IL15RA: variants seen among roughly 807,000 people sequenced by gnomAD.
The protein encoded by IL15RA is interleukin 15 receptor subunit alpha.
IL15RA carries 26 observed loss-of-function variants against 24.2 expected under a neutral mutation model. The observed-to-expected ratio is 1.07, with a 90% confidence interval of 0.79 to 1.49. The LOEUF (loss-of-function observed/expected upper bound fraction) is 1.49. IL15RA is among the 40% of genes most tolerant of loss of function. The pLI, the probability that IL15RA is intolerant of heterozygous loss-of-function variation, is 0.00. For synonymous variants in IL15RA, 166 were observed against 157.6 expected, an observed-to-expected ratio of 1.05 and a Z score of -0.40; for missense variants, 354 against 356.4, an observed-to-expected ratio of 0.99 and a Z score of 0.05.
intron 1 of IL15RA, among the ~76,000 whole-genome samples, chr10:5,969,658 C>T (rs1837269756): frequency 6.6e-6 from 1 of 152,230 alleles, no homozygotes. Flanking sequence ...GCCACCCCGC[C>T]TGGCCTACTG....
chr10:5,973,971 T>C lies in IL15RA; in HGVS notation c.88+3434A>G, dbSNP rs1231959149. 6.6e-6 allele frequency among the ~76,000 whole-genome samples: 1 copy of C among 151,344 alleles called. No individual in the cohort carries two copies. Among genetic ancestry groups the C allele is most frequent in the African/African-American group, 2.4e-5 (1 of 41,150 alleles). On this transcript the variant is annotated intron_variant, in intron 1 of 6. Transcript: ENST00000379977. This position sits in a 1 kb window ranked among gnomAD's most constrained non-coding sequence, Gnocchi z 4.5. The stretch of plus-strand genomic sequence containing the variant: ...ATAAAGAACTCTCAAAATTCAGTAA[T>C]GATACAATTCAATTTTTTATACATA...
In IL15RA at chr10:5,959,170, CTTTTTT is replaced by C. The variant is rs566891770; in HGVS notation, c.616+578_616+583del. ...GTTAACTTTTTTTCTTTTTCTTTTTCTTTTTTTTTTTTTTTAATAGAGATGGGGTCT... is the reference window on the plus strand; with the variant it reads ...GTTAACTTTTTTTCTTTTTCTTTTTCTTTTTTTTTAATAGAGATGGGGTCT... On this transcript the variant is annotated intron_variant, in intron 5 of 6. Coordinates refer to ENST00000379977, the MANE Select transcript of IL15RA (RefSeq NM_002189.4). The surrounding 1 kb of genome is among the most constrained non-coding windows in gnomAD (Gnocchi z 4.1). Among the ~76,000 whole-genome samples the C allele has an allele frequency of 7.2e-6, 1 of 138,222 alleles. No individual in the cohort carries two copies. The highest frequency in any genetic ancestry group is 2.7e-5 in the African/African-American group (1 of 37,592). 90.7% of individuals were successfully genotyped at this position (138,222 alleles called of 152,430 possible). A position where few individuals can be genotyped will look rare whatever the true frequency, so the allele number is the denominator to read the frequency against.
At chr10:5,977,377 C>T (rs1041954317) in intron 1 of IL15RA, 28 bp downstream of exon 1, 3 of 1,151,642 alleles carry the variant, frequency 2.6e-6, no homozygotes, top group Non-Finnish European at 2.2e-6. Context: ...CAAGTCCCGC[C>T]CGGGCGCCCC....
upstream of IL15RA, chr10:5,978,285 C>G (rs902781878): frequency 6.6e-6 from 1 of 152,636 alleles, no homozygotes; most frequent in African/African-American, 2.4e-5. The surrounding 1 kb of genome is among the most constrained non-coding windows in gnomAD (Gnocchi z 5.2). Flanking sequence ...GCCTCGCTTC[C>G]TTAGGTTCTT....
rs1353262028 is a variant in IL15RA, at chr10:5,962,591, CAAA to C, written c.382+1149_382+1151del. Among the ~76,000 whole-genome samples, 16 of 108,940 alleles carry C rather than the reference CAAA, an allele frequency of 1.5e-4. No individual in the cohort carries two copies. Among genetic ancestry groups the C allele is most frequent in the East Asian group, 2.8e-4 (1 of 3,570 alleles). 71.5% of individuals were successfully genotyped at this position (108,940 alleles called of 152,430 possible). On this transcript the variant is annotated intron_variant, in intron 3 of 6. Coordinates refer to ENST00000379977, the MANE Select transcript of IL15RA (RefSeq NM_002189.4). The surrounding 1 kb of genome is among the most constrained non-coding windows in gnomAD (Gnocchi z 5.2). ...TGGGCAATAGAGCAAGACCCCATCTCAAAAAAAAAAAAAAAAAAGATCCACCTG... is the reference window on the plus strand; with the variant it reads ...TGGGCAATAGAGCAAGACCCCATCTCAAAAAAAAAAAAAAAGATCCACCTG...
rs1297126830 is a variant in IL15RA, at chr10:5,961,457, T to G, written c.383-890A>C. On this transcript the variant is annotated intron_variant, in intron 3 of 6. Transcript: ENST00000379977. This position sits in a 1 kb window ranked among gnomAD's most constrained non-coding sequence, Gnocchi z 5.2. ...GAAAAGGTGTCAAAGATCTGAGTCGTTCAGCTTGTTTACTAGAGAAGGCAG... is the reference window on the plus strand; with the variant it reads ...GAAAAGGTGTCAAAGATCTGAGTCGGTCAGCTTGTTTACTAGAGAAGGCAG... 2.0e-5 allele frequency among the ~76,000 whole-genome samples: 3 copies of G among 152,038 alleles called. No homozygotes were observed. Among genetic ancestry groups the G allele is most frequent in the Non-Finnish European group, 4.4e-5 (3 of 68,006 alleles).
Position 5,958,606 on chromosome 10 carries a change from G to T in IL15RA, c.616+1148C>A, listed in dbSNP as rs983896655. 5.9e-5 allele frequency among the ~76,000 whole-genome samples: 9 copies of T among 151,964 alleles called. No individual in the cohort carries two copies. Among genetic ancestry groups the T allele is most frequent in the Admixed American group, 4.6e-4 (7 of 15,262 alleles). On this transcript the variant is annotated intron_variant, in intron 5 of 6. Transcript: ENST00000379977. The surrounding 1 kb of genome is among the most constrained non-coding windows in gnomAD (Gnocchi z 4.3). ...TTTGTCATGTTGTCCAGGCTGGTCT[G>T]GGACTCCTGGCCTCCAGTGATCAGC...
At chr10:5,978,491 C>T (rs1243105358), upstream of IL15RA, among the ~76,000 whole-genome samples, 3 of 152,212 alleles carry the variant, frequency 2.0e-5, no homozygotes, top group Admixed American at 2.0e-4. The surrounding 1 kb of genome is among the most constrained non-coding windows in gnomAD (Gnocchi z 5.2). Context: ...GCTTTTGTGA[C>T]ATACTTGCAA....
At chr10:5,972,272 C>A (rs1045984326) in intron 1 of IL15RA, among the ~76,000 whole-genome samples, 1 of 152,208 alleles carries the variant, frequency 6.6e-6, no homozygotes, top group Non-Finnish European at 1.5e-5. Flanking sequence ...CAAATCACAT[C>A]AACTATGTCC....
chr10:5,968,688 G>A lies in IL15RA; in HGVS notation c.89-2349C>T. ...ATGTTCTGCTCCACACTGATCTTCT[G>A]TCCTTCTCTACCTGCCTAAACCACA... On this transcript the variant is annotated intron_variant, in intron 1 of 6. Transcript: ENST00000379977. This position sits in a 1 kb window ranked among gnomAD's most constrained non-coding sequence, Gnocchi z 5.4. 1 of 687,766 alleles carries A rather than the reference G, an allele frequency of 1.5e-6. No homozygotes were observed. Among genetic ancestry groups the A allele is most frequent in the Middle Eastern group, 2.5e-4 (1 of 3,946 alleles). The allele number at this position is 687,766 out of a possible 1,614,324, so 42.6% of individuals were successfully genotyped here. A position where few individuals can be genotyped will look rare whatever the true frequency, so the allele number is the denominator to read the frequency against.
rs933123369 is a variant in IL15RA, at chr10:5,970,297, C to G, written c.89-3958G>C. 6.6e-6 allele frequency among the ~76,000 whole-genome samples: 1 copy of G among 152,216 alleles called. No individual in the cohort carries two copies. Among genetic ancestry groups the G allele is most frequent in the Non-Finnish European group, 1.5e-5 (1 of 68,042 alleles). ...AAACAGCAGACTTCCAGTCTCTCCC[C>G]CAAGCCCTTGTGCTATTGTTCTATG... On this transcript the variant is annotated intron_variant, in intron 1 of 6. Coordinates refer to ENST00000379977, the MANE Select transcript of IL15RA (RefSeq NM_002189.4). This position sits in a 1 kb window ranked among gnomAD's most constrained non-coding sequence, Gnocchi z 4.1.
Position 5,973,730 on chromosome 10 carries a change from A to G in IL15RA, c.88+3675T>C, listed in dbSNP as rs1255636141. On this transcript the variant is annotated intron_variant, in intron 1 of 6. Transcript: ENST00000379977. This position sits in a 1 kb window ranked among gnomAD's most constrained non-coding sequence, Gnocchi z 4.5. ...AGCTATAAAACTTCTAGAGGAACAC[A>G]TAGAAGTAAACCTTTGTAACCTTAG... 6.6e-6 allele frequency among the ~76,000 whole-genome samples: 1 copy of G among 152,256 alleles called. No homozygotes were observed. The highest frequency in any genetic ancestry group is 6.5e-5 in the Admixed American group (1 of 15,286).
chr10:5,950,180 G>A (rs1406968849), downstream of IL15RA, among the ~76,000 whole-genome samples: 1 of 152,156 alleles, frequency 6.6e-6, no homozygotes, highest in Non-Finnish European at 1.5e-5. This position sits in a 1 kb window ranked among gnomAD's most constrained non-coding sequence, Gnocchi z 5.6. Flanking sequence ...CAAGGCAAAT[G>A]TGTAGGGCAG....
At position 5,952,929 on chromosome 10, in the gene IL15RA, C is replaced by A; in HGVS notation, c.*166G>T. The A allele has an allele frequency of 4.8e-6, 3 of 628,986 alleles. No homozygotes were observed. Among genetic ancestry groups the A allele is most frequent in the Admixed American group, 2.9e-5 (1 of 34,498 alleles). The allele number at this position is 628,986 out of a possible 1,614,324, so 39.0% of individuals were successfully genotyped here. A position where few individuals can be genotyped will look rare whatever the true frequency, so the allele number is the denominator to read the frequency against. Reference sequence around the variant, plus strand: ...GGAATGCGGAGAACCTGCTCCCTCGCGCAGGAGGCGCCGACCCGGCAGTCC... The same window carrying A: ...GGAATGCGGAGAACCTGCTCCCTCGAGCAGGAGGCGCCGACCCGGCAGTCC... On this transcript the variant is annotated 3_prime_UTR_variant, in exon 7 of 7. Coordinates refer to ENST00000379977, the MANE Select transcript of IL15RA (RefSeq NM_002189.4).
Position 5,961,801 on chromosome 10 carries a change from C to T in IL15RA, c.383-1234G>A, listed in dbSNP as rs527566076. ...GGAATCTAGGAAACGTGAGGCCAAG[C>T]GCTGTGGCTCTCTGGACGCACTGTT... On this transcript the variant is annotated intron_variant, in intron 3 of 6. Coordinates refer to ENST00000379977, the MANE Select transcript of IL15RA (RefSeq NM_002189.4). The surrounding 1 kb of genome is among the most constrained non-coding windows in gnomAD (Gnocchi z 5.2). 2.6e-5 allele frequency among the ~76,000 whole-genome samples: 4 copies of T among 152,310 alleles called. No homozygotes were observed. The highest frequency in any genetic ancestry group is 4.1e-4 in the South Asian group (2 of 4,830).
rs1837910086 is a variant in IL15RA, at chr10:5,973,299, C to G, written c.88+4106G>C. Among the ~76,000 whole-genome samples, 1 of 152,138 alleles carries G rather than the reference C, an allele frequency of 6.6e-6. No individual in the cohort carries two copies. Among genetic ancestry groups the G allele is most frequent in the South Asian group, 2.1e-4 (1 of 4,826 alleles). On this transcript the variant is annotated intron_variant, in intron 1 of 6. Transcript: ENST00000379977. The surrounding 1 kb of genome is among the most constrained non-coding windows in gnomAD (Gnocchi z 4.5). Reference sequence around the variant, plus strand: ...GTATATCTCTCCATTGATTTTGTTCCTTAATTTCTCTAAGCAATGCTTTGT... The same window carrying G: ...GTATATCTCTCCATTGATTTTGTTCGTTAATTTCTCTAAGCAATGCTTTGT...
intron 5 of IL15RA, among the ~76,000 whole-genome samples, chr10:5,956,781 A>C (rs545547679): frequency 2.9e-4 from 44 of 152,164 alleles, no homozygotes; most frequent in Non-Finnish European, 5.7e-4. Flanking sequence ...CAAAGCCAAG[A>C]GTGCGATGAG....
In IL15RA at chr10:5,959,676, C is replaced by T. The variant is rs1589179813; in HGVS notation, c.616+78G>A. 1.5e-6 allele frequency: 2 copies of T among 1,328,348 alleles called. No individual in the cohort carries two copies. Among genetic ancestry groups the T allele is most frequent in the Admixed American group, 1.7e-5 (1 of 59,518 alleles). 82.3% of individuals were successfully genotyped at this position (1,328,348 alleles called of 1,614,324 possible). A position where few individuals can be genotyped will look rare whatever the true frequency, so the allele number is the denominator to read the frequency against. On this transcript the variant is annotated intron_variant, in intron 5 of 6. Coordinates refer to ENST00000379977, the MANE Select transcript of IL15RA (RefSeq NM_002189.4). This position sits in a 1 kb window ranked among gnomAD's most constrained non-coding sequence, Gnocchi z 4.1. ...GTCAGGGCTGTGCTGGGGCAGCGGG[C>T]CTGGGCCAGGACCACCCAGCACCCT...
chr10:5,977,449 G>C lies in IL15RA; in HGVS notation c.44C>G (p.Pro15Arg). 1 of 1,366,674 alleles carries C rather than the reference G, an allele frequency of 7.3e-7. No individual in the cohort carries two copies. The highest frequency in any genetic ancestry group is 9.4e-7 in the Non-Finnish European group (1 of 1,061,384). The allele number at this position is 1,366,674 out of a possible 1,614,324, so 84.7% of individuals were successfully genotyped here. Residue 15 changes from proline to arginine, a missense_variant, in exon 1 of 7, where the codon CCG (proline) becomes CGG (arginine). Physicochemically the swap from Pro to Arg is moderately radical, Grantham distance 103. Transcript: ENST00000379977. ...GAGCAGCAGCAGCAGTAGCAGCGCCGGGAGACCGAGGGTCCGGCAGCCGCG... is the reference window on the plus strand; with the variant it reads ...GAGCAGCAGCAGCAGTAGCAGCGCCCGGAGACCGAGGGTCCGGCAGCCGCG... ...RARGCRTLGL[P>R]ALLLLLLLRP...
Sources: allele counts gnomAD v4.1 joint callset (sites outside exome capture counted in the v4.1 genomes callset), GRCh38; gene constraint gnomAD v4.1.1; non-coding constraint Gnocchi (gnomAD v3.1); transcripts MANE v1.5; gene names NCBI Gene and HGNC (gene_info 2026-07-23, HGNC 2026-07-21).